SNX29: variants seen among roughly 807,000 people sequenced by gnomAD.
SNX29 encodes sorting nexin-29.
SNX29 carries 78 observed loss-of-function variants against 102.1 expected under a neutral mutation model. The ratio of observed to expected loss-of-function variants is 0.76; its 90% CI spans 0.64 to 0.92. The LOEUF (loss-of-function observed/expected upper bound fraction) is 0.92. Ranked by LOEUF, SNX29 falls within the 40% of genes least tolerant of loss-of-function variation. SNX29 has a pLI of 0.00. For missense variants in SNX29, 1,280 were observed against 1,061.7 expected (o/e 1.21, Z -2.86); for synonymous variants, 580 against 414.5 (o/e 1.40, Z -4.85).
chr16:12,171,607 G>A (rs1349981517), intron 13 of SNX29, among the ~76,000 whole-genome samples: 1 of 152,200 alleles, frequency 6.6e-6, no homozygotes, highest in Non-Finnish European at 1.5e-5. Context: ...CCCTCTTCTG[G>A]GGTAGCGTTG....
At position 12,557,854 on chromosome 16, in the gene SNX29, A is replaced by G. The variant is rs192873600; in HGVS notation, c.2319-10652A>G. On this transcript the variant is annotated intron_variant, in intron 20 of 20. Transcript: ENST00000566228. ...AAAACATCATCAATGTGACATGACC[A>G]TAGCCATTCCAGCGAGTGGAGGAGG... Among the ~76,000 whole-genome samples, 20 of 152,326 alleles carry G rather than the reference A, an allele frequency of 1.3e-4. No individual in the cohort carries two copies. In the East Asian group the frequency reaches 1.4e-3, roughly 10 times the overall value.
At chr16:12,265,363 A>T (rs2078896370) in intron 14 of SNX29, among the ~76,000 whole-genome samples, 1 of 152,130 alleles carries the variant, frequency 6.6e-6, no homozygotes, top group Admixed American at 6.6e-5. Context: ...GGGTGTGATA[A>T]CAGCTTTGAT....
intron 16 of SNX29, among the ~76,000 whole-genome samples, chr16:12,387,852 C>T (rs1308335331): frequency 1.3e-5 from 2 of 152,154 alleles, no homozygotes; most frequent in Non-Finnish European, 2.9e-5. Context: ...GAAGCAGCCT[C>T]TGGGATGTGG....
At chr16:12,154,096 G>C (rs1007298959) in intron 13 of SNX29, among the ~76,000 whole-genome samples, 3 of 152,064 alleles carry the variant, frequency 2.0e-5, no homozygotes, top group African/African-American at 7.2e-5. Flanking sequence ...TTAGAAGTTT[G>C]GGTTTTCCCT....
At position 12,052,697 on chromosome 16, in the gene SNX29, A is replaced by G. The variant is rs2050357734; in HGVS notation, c.1124+475A>G. The G allele has an allele frequency of 4.4e-5, 8 of 183,802 alleles. No individual in the cohort carries two copies. The South Asian group carries it at 8.8e-4, about 20-fold the overall frequency. The allele number at this position is 183,802 out of a possible 1,614,324, so 11.4% of individuals were successfully genotyped here. A position where few individuals can be genotyped will look rare whatever the true frequency, so the allele number is the denominator to read the frequency against. ...TTCCCCTGAGAACTGAAAGAGGGGA[A>G]AGGAGTACATTTGAGGGCACTTAAT... On this transcript the variant is annotated intron_variant, in intron 8 of 20. Coordinates refer to ENST00000566228, the MANE Select transcript of SNX29 (RefSeq NM_032167.5).
chr16:12,215,313 G>GA (rs59097054), intron 14 of SNX29, among the ~76,000 whole-genome samples: 6,448 of 137,146 alleles, frequency 0.047, 254 homozygotes, highest in East Asian at 0.21. Flanking sequence ...AATCTCTACA[G>GA]AAAAAAAAAA....
At chr16:12,356,128 C>T (rs1331982978) in intron 15 of SNX29, 35 bp from the exon 16 acceptor site, 1 of 1,585,940 alleles carries the variant, frequency 6.3e-7, no homozygotes, top group Admixed American at 1.7e-5. Context: ...GGAATGTCTG[C>T]CTCTAAGCCT....
At chr16:12,533,093 C>T (rs56275803) in intron 20 of SNX29, among the ~76,000 whole-genome samples, 5,542 of 152,280 alleles carry the variant, frequency 0.036, 131 homozygotes, top group Middle Eastern at 0.088. Context: ...ATCACACCTC[C>T]GGGGAGGGAC....
chr16:12,561,204 C>G, intron 20 of SNX29: 1 of 230,502 alleles, frequency 4.3e-6, no homozygotes, highest in Non-Finnish European at 8.6e-6. Context: ...CCCATCAGGA[C>G]CCCCGCAGCC....
chr16:12,328,025 G>A (rs565388506), intron 15 of SNX29, among the ~76,000 whole-genome samples: 21 of 152,292 alleles, frequency 1.4e-4, no homozygotes, highest in African/African-American at 4.6e-4. Flanking sequence ...AAGTCAGACT[G>A]TTGTGGGTTT....
chr16:12,071,270 C>T (rs1363064631), intron 10 of SNX29, among the ~76,000 whole-genome samples: 2 of 152,156 alleles, frequency 1.3e-5, no homozygotes, highest in African/African-American at 4.8e-5. Flanking sequence ...ATGGTAATGC[C>T]TAGGTTTTCT....
chr16:12,151,936 T>G (rs1274419537), intron 13 of SNX29, among the ~76,000 whole-genome samples: 1 of 152,178 alleles, frequency 6.6e-6, no homozygotes, highest in Non-Finnish European at 1.5e-5. Flanking sequence ...AAGTTTTGCC[T>G]GTTGGCCAGA....
At chr16:12,136,529 C>G (rs576620849) in intron 13 of SNX29, among the ~76,000 whole-genome samples, 2 of 152,330 alleles carry the variant, frequency 1.3e-5, no homozygotes, top group East Asian at 3.9e-4. Context: ...TCACTTTCTT[C>G]AAGCACTGTG....
intron 20 of SNX29, among the ~76,000 whole-genome samples, chr16:12,541,710 T>G (rs1373101791): frequency 6.6e-6 from 1 of 152,162 alleles, no homozygotes; most frequent in East Asian, 1.9e-4. Context: ...AGTGGGTTCC[T>G]GATTCCTGTC....
At chr16:12,001,333 G>C (rs1343899689) in intron 2 of SNX29, among the ~76,000 whole-genome samples, 2 of 152,040 alleles carry the variant, frequency 1.3e-5, no homozygotes, top group Non-Finnish European at 2.9e-5. Flanking sequence ...GGCTGGTCTC[G>C]AACTCCTGAC....
chr16:12,550,692 T>C (rs1006059839), intron 20 of SNX29, among the ~76,000 whole-genome samples: 19 of 152,194 alleles, frequency 1.2e-4, no homozygotes, highest in African/African-American at 4.6e-4. Context: ...TTTTCATGTA[T>C]TCACCCCCCT....
chr16:12,278,025 A>G lies in SNX29; in HGVS notation c.1771A>G (p.Lys591Glu). ...AGAACTCGCAAGCTCCTACGAAAGA[A>G]AGCTCATCGAGGTAAGGCCGGTGGA... Reference protein sequence around the residue: ...AEELASSYERKLIEVAEMHGE... With the variant: ...AEELASSYERELIEVAEMHGE... Residue 591 changes from lysine (K) to glutamate (E), a missense_variant, in exon 15 of 21, where the codon AAG becomes GAG. Coordinates refer to ENST00000566228, the MANE Select transcript of SNX29 (RefSeq NM_032167.5). 1 of 1,600,044 alleles carries G rather than the reference A, an allele frequency of 6.2e-7. No homozygotes were observed. Among genetic ancestry groups the G allele is most frequent in the Non-Finnish European group, 8.5e-7 (1 of 1,173,118 alleles).
intron 15 of SNX29, among the ~76,000 whole-genome samples, chr16:12,337,203 A>G (rs1315488028): frequency 5.3e-5 from 8 of 152,288 alleles, no homozygotes; most frequent in Admixed American, 3.9e-4. Context: ...TCTTCCCTCC[A>G]GAGGTTCCTT....
At chr16:12,342,026 CTT>C (rs2081624071) in intron 15 of SNX29, among the ~76,000 whole-genome samples, 1 of 152,184 alleles carries the variant, frequency 6.6e-6, no homozygotes, top group Non-Finnish European at 1.5e-5. Context: ...AACGTGAACT[CTT>C]TTACCTCTCC....
Sources: gnomAD v4.1 joint callset for allele counts (sites outside exome capture counted in the v4.1 genomes callset) on GRCh38, gnomAD v4.1.1 for gene constraint, MANE v1.5 for transcripts, NCBI Gene and HGNC (gene_info 2026-07-23, HGNC 2026-07-21) for gene names.